The following PPARGC1A variants were observed in gnomAD, a reference collection of about 807,000 sequenced individuals.
The protein encoded by PPARGC1A is peroxisome proliferator-activated receptor gamma coactivator 1-alpha.
In PPARGC1A, 25 loss-of-function variants were observed where a neutral mutation model predicts 88.7. The observed-to-expected ratio is 0.28, with a 90% CI of 0.21 to 0.39. The LOEUF (loss-of-function observed/expected upper bound fraction) is 0.39. PPARGC1A is among the 10% of genes least tolerant of loss of function. PPARGC1A has a pLI of 1.00. For missense variants in PPARGC1A, 880 were observed against 968.7 expected (o/e 0.91, Z 1.22); for synonymous variants, 363 against 355.6 (o/e 1.02, Z -0.24).
At chr4:24,170,587 A>G in the PPARGC1A span, among the ~76,000 whole-genome samples, 1 of 152,308 alleles carries the variant, frequency 6.6e-6, no homozygotes, top group African/African-American at 2.4e-5. Context: ...TCACCCACCT[A>G]CAGCAAATGC....
the PPARGC1A span, among the ~76,000 whole-genome samples, chr4:24,239,709 G>A: frequency 6.6e-6 from 1 of 152,136 alleles, no homozygotes; most frequent in African/African-American, 2.4e-5. Context: ...GAAAAAAAAA[G>A]TGTATATATA....
the PPARGC1A span, among the ~76,000 whole-genome samples, chr4:23,984,447 C>T: frequency 6.6e-6 from 1 of 151,980 alleles, no homozygotes; most frequent in African/African-American, 2.4e-5. Context: ...AGATTGTGTC[C>T]GATTTACCTA....
At chr4:24,021,677 G>C in the PPARGC1A span, among the ~76,000 whole-genome samples, 1 of 152,166 alleles carries the variant, frequency 6.6e-6, no homozygotes, top group Non-Finnish European at 1.5e-5. Context: ...AAACCTCTCT[G>C]TGCCACATTC....
intron 2 of PPARGC1A, among the ~76,000 whole-genome samples, chr4:23,850,393 C>T (rs1223071662): frequency 1.3e-5 from 2 of 152,148 alleles, no homozygotes; most frequent in African/African-American, 4.8e-5. Context: ...TCATAAAGGC[C>T]AAGTGAAAAC....
the PPARGC1A span, among the ~76,000 whole-genome samples, chr4:24,006,015 T>A: frequency 6.6e-6 from 1 of 151,940 alleles, no homozygotes; most frequent in Non-Finnish European, 1.5e-5. Context: ...CACTTAGGGT[T>A]TTGTTTTTGG....
the PPARGC1A span, among the ~76,000 whole-genome samples, chr4:24,324,243 T>C: frequency 6.6e-6 from 1 of 152,046 alleles, no homozygotes; most frequent in Non-Finnish European, 1.5e-5. Flanking sequence ...CTTCTCTGCC[T>C]TTCCTGGGGC....
the PPARGC1A span, among the ~76,000 whole-genome samples, chr4:24,184,585 G>T: frequency 6.6e-6 from 1 of 152,204 alleles, no homozygotes; most frequent in Non-Finnish European, 1.5e-5. Flanking sequence ...ATAAATATTA[G>T]CTGGTGGATT....
the PPARGC1A span, among the ~76,000 whole-genome samples, chr4:24,310,645 T>C: frequency 1.3e-5 from 2 of 152,204 alleles, no homozygotes; most frequent in African/African-American, 2.4e-5. Context: ...AATTTTTCTA[T>C]GTGAGTTCAA....
chr4:24,444,134 C>T, the PPARGC1A span, among the ~76,000 whole-genome samples: 2 of 151,164 alleles, frequency 1.3e-5, no homozygotes, highest in African/African-American at 2.4e-5. Context: ...AGGGTTCAAG[C>T]GATTCTCCTG....
At chr4:23,847,974 T>C (rs966343139) in intron 2 of PPARGC1A, among the ~76,000 whole-genome samples, 4 of 152,282 alleles carry the variant, frequency 2.6e-5, no homozygotes, top group Non-Finnish European at 5.9e-5. Context: ...TAAAGTGTGA[T>C]TAAATAATTA....
upstream of PPARGC1A, among the ~76,000 whole-genome samples, chr4:23,900,489 T>A (rs1430961933): frequency 6.6e-6 from 1 of 152,156 alleles, no homozygotes; most frequent in Non-Finnish European, 1.5e-5. Context: ...CATGTTAAGG[T>A]TAAAGAAAAT....
At chr4:23,838,414 A>G (rs1726431229) in intron 2 of PPARGC1A, among the ~76,000 whole-genome samples, 1 of 152,146 alleles carries the variant, frequency 6.6e-6, no homozygotes, top group South Asian at 2.1e-4. Context: ...TAACCCAATT[A>G]CTTTTTGTTT....
At chr4:24,071,013 A>G in the PPARGC1A span, among the ~76,000 whole-genome samples, 1 of 152,202 alleles carries the variant, frequency 6.6e-6, no homozygotes, top group South Asian at 2.1e-4. Context: ...GTCTAGGCCA[A>G]TTATGTTTTC....
At chr4:24,083,379 C>T in the PPARGC1A span, among the ~76,000 whole-genome samples, 1 of 152,178 alleles carries the variant, frequency 6.6e-6, no homozygotes, top group Non-Finnish European at 1.5e-5. Flanking sequence ...TCTGATGCCA[C>T]CCAGATGGAA....
At chr4:24,162,941 G>C in the PPARGC1A span, among the ~76,000 whole-genome samples, 7 of 151,686 alleles carry the variant, frequency 4.6e-5, no homozygotes, top group Non-Finnish European at 1.0e-4. Context: ...AAATGTGCAA[G>C]TGTTTTGTTA....
chr4:23,940,644 G>T, the PPARGC1A span, among the ~76,000 whole-genome samples: 1 of 152,172 alleles, frequency 6.6e-6, no homozygotes, highest in Non-Finnish European at 1.5e-5. Flanking sequence ...GCAGCATCAT[G>T]AAACCAAATG....
the PPARGC1A span, among the ~76,000 whole-genome samples, chr4:23,960,571 A>G: frequency 6.6e-6 from 1 of 152,122 alleles, no homozygotes; most frequent in Non-Finnish European, 1.5e-5. Flanking sequence ...TAAATCCTTC[A>G]TAGAGTTTCG....
At chr4:24,186,710 C>T in the PPARGC1A span, among the ~76,000 whole-genome samples, 6 of 152,160 alleles carry the variant, frequency 3.9e-5, no homozygotes, top group South Asian at 4.2e-4. Context: ...TTGGAGCACA[C>T]GCTCCTTTTC....
chr4:24,347,067 A>G, the PPARGC1A span, among the ~76,000 whole-genome samples: 1 of 152,192 alleles, frequency 6.6e-6, no homozygotes, highest in East Asian at 1.9e-4. Flanking sequence ...ATGTATTTGC[A>G]TGGTTTTGAA....
Sources: gnomAD v4.1 joint callset for allele counts (sites outside exome capture counted in the v4.1 genomes callset) on GRCh38, gnomAD v4.1.1 for gene constraint, MANE v1.5 for transcripts, NCBI Gene and HGNC (gene_info 2026-07-23, HGNC 2026-07-21) for gene names.